Variants in UBE3D observed in about 807,000 individuals in gnomAD.
The protein encoded by UBE3D is ubiquitin protein ligase E3D.
A neutral mutation model predicts 49.6 loss-of-function variants in UBE3D; 48 were observed. The ratio of observed to expected loss-of-function variants is 0.97; its 90% CI spans 0.77 to 1.23. The LOEUF is 1.23. UBE3D is among the 50% of genes most tolerant of loss of function. UBE3D has a pLI of 0.00. For missense variants in UBE3D, 452 were observed against 468.4 expected, an observed-to-expected ratio of 0.96 and a Z score of 0.32; for synonymous variants, 189 against 174.2, an observed-to-expected ratio of 1.08 and a Z score of -0.67.
intron 8 of UBE3D, among the ~76,000 whole-genome samples, chr6:82,968,301 C>T (rs780402928): frequency 1.3e-4 from 20 of 151,790 alleles, no homozygotes; most frequent in Non-Finnish European, 2.6e-4. Flanking sequence ...TAACCTCCCT[C>T]ACCTCTCCCT....
At chr6:83,060,342 G>A (rs971607398) in intron 1 of UBE3D, among the ~76,000 whole-genome samples, 1 of 152,212 alleles carries the variant, frequency 6.6e-6, no homozygotes, top group Admixed American at 6.5e-5. Context: ...TGGGAGAATG[G>A]AGTTACAAAA....
At chr6:82,991,612 A>C (rs1778887869) in intron 8 of UBE3D, among the ~76,000 whole-genome samples, 1 of 152,190 alleles carries the variant, frequency 6.6e-6, no homozygotes, top group Non-Finnish European at 1.5e-5. Context: ...TTAAGTGTAA[A>C]TCCTCCTCCT....
chr6:82,965,496 T>A lies in UBE3D; in HGVS notation c.1011-8046A>T, dbSNP rs190563293. Among the ~76,000 whole-genome samples, 4 of 147,710 alleles carry A rather than the reference T, an allele frequency of 2.7e-5. No homozygotes were observed. The Admixed American group carries it at 2.8e-4, about 10-fold the overall frequency. ...TACTCGGGAGACTGAGGCAGGAGAA[T>A]CGCTAGAACTTGGGAGGCAGAGGTT... is the stretch of plus-strand genomic sequence containing the variant. On this transcript the variant is annotated intron_variant, in intron 8 of 9. Transcript: ENST00000369747.
chr6:82,902,720 C>T (rs927738109), intron 9 of UBE3D, among the ~76,000 whole-genome samples: 1 of 152,100 alleles, frequency 6.6e-6, no homozygotes, highest in Non-Finnish European at 1.5e-5. Context: ...CACAAACATA[C>T]ACAGGTGATA....
In UBE3D at chr6:83,061,203, T is replaced by C. The variant is rs183088939; in HGVS notation, c.78-3181A>G. The stretch of plus-strand genomic sequence containing the variant: ...AATGGAAGGATATTCTACAAAATGA[T>C]TGTACTATCATCTTGCAAAGTGTCA... On this transcript the variant is annotated intron_variant, in intron 1 of 9. Transcript: ENST00000369747. Among the ~76,000 whole-genome samples the C allele has an allele frequency of 2.9e-4, 44 of 152,302 alleles. No homozygotes were observed. In the Middle Eastern group the frequency reaches 0.017, roughly 59 times the overall value.
At chr6:83,052,632 A>T (rs1783545030) in intron 3 of UBE3D, among the ~76,000 whole-genome samples, 1 of 152,224 alleles carries the variant, frequency 6.6e-6, no homozygotes. Flanking sequence ...ACAGAATGCC[A>T]GTCAATAATG....
rs1480545246 is a variant in UBE3D at position 82,957,334 on chromosome 6, A to C, written c.1127T>G (p.Leu376Arg). Reference sequence around the variant, plus strand: ...CACCTGAAAGGAATTCACACGGCGAAGGGATGAAGGCAGATTGGCATTACT... The same window carrying C: ...CACCTGAAAGGAATTCACACGGCGACGGGATGAAGGCAGATTGGCATTACT... ...SKSNANLPSSLRRVNSFQVAF... is the reference protein window; with the variant it reads ...SKSNANLPSSRRRVNSFQVAF... Residue 376 changes from leucine (L) to arginine (R), a missense_variant, in exon 9 of 10, where the codon CTT becomes CGT. Coordinates refer to ENST00000369747, the MANE Select transcript of UBE3D (RefSeq NM_198920.3). 1 of 1,614,058 alleles carries C rather than the reference A, an allele frequency of 6.2e-7. No homozygotes were observed. The highest frequency in any genetic ancestry group is 2.2e-5 in the East Asian group (1 of 44,856).
chr6:82,888,364 A>C (rs1304050108), downstream of UBE3D, among the ~76,000 whole-genome samples: 1 of 152,018 alleles, frequency 6.6e-6, no homozygotes, highest in Non-Finnish European at 1.5e-5. Flanking sequence ...GAGTGCATAC[A>C]AATTATGACA....
intron 9 of UBE3D, among the ~76,000 whole-genome samples, chr6:82,931,090 C>G (rs1026776357): frequency 2.0e-5 from 3 of 152,194 alleles, no homozygotes; most frequent in Non-Finnish European, 4.4e-5. Flanking sequence ...TAAAATGGGC[C>G]AAGGTACAGC....
chr6:82,944,413 C>T (rs560656862), intron 9 of UBE3D, among the ~76,000 whole-genome samples: 1 of 152,124 alleles, frequency 6.6e-6, no homozygotes, highest in African/African-American at 2.4e-5. Flanking sequence ...CAAAGCCTAT[C>T]ATCTGATGAC....
At chr6:83,052,738 T>C (rs1720092219) in intron 3 of UBE3D, among the ~76,000 whole-genome samples, 2 of 152,120 alleles carry the variant, frequency 1.3e-5, no homozygotes, top group South Asian at 4.1e-4. Flanking sequence ...AAGGTCCTAA[T>C]GTAGCATGTT....
intron 8 of UBE3D, among the ~76,000 whole-genome samples, chr6:83,003,309 T>C (rs1016274335): frequency 6.6e-5 from 10 of 152,044 alleles, no homozygotes; most frequent in African/African-American, 2.4e-4. Context: ...TATTTTTTCA[T>C]CAAAAGAAGG....
Position 82,892,715 on chromosome 6 carries a change from C to T in UBE3D, c.*307G>A, listed in dbSNP as rs6650987. 15 of 390,814 alleles carry T rather than the reference C, an allele frequency of 3.8e-5. No individual in the cohort carries two copies. The highest frequency in any genetic ancestry group is 2.9e-4 in the African/African-American group (14 of 48,310). 24.2% of individuals were successfully genotyped at this position (390,814 alleles called of 1,614,324 possible). A position where few individuals can be genotyped will look rare whatever the true frequency, so the allele number is the denominator to read the frequency against. On this transcript the variant is annotated 3_prime_UTR_variant, in exon 10 of 10. Coordinates refer to ENST00000369747, the MANE Select transcript of UBE3D (RefSeq NM_198920.3). ...GGATCTCCATTAGGTAATAACCTTC[C>T]AGGTGGTGCTGACACTGCACATATG...
At chr6:83,031,871 A>T (rs1250595193) in intron 5 of UBE3D, among the ~76,000 whole-genome samples, 1 of 152,208 alleles carries the variant, frequency 6.6e-6, no homozygotes, top group Non-Finnish European at 1.5e-5. Context: ...TTCAGAGGGT[A>T]CAAGCCTCAA....
intron 3 of UBE3D, among the ~76,000 whole-genome samples, chr6:83,051,774 C>A (rs1451225345): frequency 1.3e-5 from 2 of 152,208 alleles, no homozygotes; most frequent in Non-Finnish European, 2.9e-5. Context: ...CCCTCCTCTG[C>A]AAATTTAAAG....
At chr6:83,027,921 G>A (rs112351961) in intron 5 of UBE3D, among the ~76,000 whole-genome samples, 339 of 152,070 alleles carry the variant, frequency 2.2e-3, no homozygotes, top group Non-Finnish European at 3.5e-3. Context: ...TCTGTTCTAC[G>A]TCTCTTACTC....
chr6:83,054,158 TTA>T lies in UBE3D; in HGVS notation c.353_354del (p.Ile118AsnfsTer15). 6.2e-7 allele frequency: 1 copy of T among 1,613,728 alleles called. No individual in the cohort carries two copies. The highest frequency in any genetic ancestry group is 8.5e-7 in the Non-Finnish European group (1 of 1,179,648). On this transcript the variant is annotated frameshift_variant, in exon 3 of 10. Transcript: ENST00000369747. LOFTEE classifies it high-confidence loss of function. ...AAATATATTCCTTACCTGTCTTTTA[TTA>T]TGACTTCACCGCAGGATTGGCAATA... ...TFYCQSCGEV[I>X]IKDRKLLRVL...
chr6:83,018,902 A>G, intron 8 of UBE3D, 71 bp downstream of exon 8: 1 of 1,568,854 alleles, frequency 6.4e-7, no homozygotes. Flanking sequence ...TAATTCATTA[A>G]TTTCTTAACA....
chr6:83,033,265 C>A (rs1782008518), intron 5 of UBE3D, among the ~76,000 whole-genome samples: 1 of 152,082 alleles, frequency 6.6e-6, no homozygotes, highest in African/African-American at 2.4e-5. Flanking sequence ...GGGATCTGCC[C>A]CCTGACACAA....
Sources: allele counts gnomAD v4.1 joint callset (sites outside exome capture counted in the v4.1 genomes callset), GRCh38; gene constraint gnomAD v4.1.1; transcripts MANE v1.5; gene names NCBI Gene and HGNC (gene_info 2026-07-23, HGNC 2026-07-21).